The following SLC25A21 variants were observed in gnomAD, a reference collection of about 807,000 sequenced individuals.
SLC25A21 encodes the protein mitochondrial 2-oxodicarboxylate carrier.
In SLC25A21, 47 loss-of-function variants were observed where a neutral mutation model predicts 43.8. That is an observed-to-expected ratio of 1.07 (90% CI 0.85 to 1.37). SLC25A21 has a LOEUF of 1.37. Among genes scored for constraint, SLC25A21 ranks in the 40% most tolerant of loss-of-function variants. SLC25A21 has a pLI of 0.00. For missense variants in SLC25A21, 352 were observed against 350.2 expected (o/e 1.00, Z -0.04); for synonymous variants, 131 against 121.3 (o/e 1.08, Z -0.52).
chr14:36,986,829 G>A (rs2138707198), intron 1 of SLC25A21, among the ~76,000 whole-genome samples: 1 of 152,218 alleles, frequency 6.6e-6, no homozygotes, highest in African/African-American at 2.4e-5. Context: ...GGAATCCCAA[G>A]AAGGCTTTGA....
intron 2 of SLC25A21, among the ~76,000 whole-genome samples, chr14:36,823,924 GGTTTCTA>G (rs370095458): frequency 1.3e-5 from 2 of 152,168 alleles, no homozygotes; most frequent in East Asian, 3.9e-4. Flanking sequence ...TGAAGTTCTT[GGTTTCTA>G]GCTTCCATAA....
At chr14:37,042,050 T>C (rs974898295) in intron 1 of SLC25A21, among the ~76,000 whole-genome samples, 1 of 152,210 alleles carries the variant, frequency 6.6e-6, no homozygotes, top group Non-Finnish European at 1.5e-5. Flanking sequence ...GCTTCCCGTG[T>C]AAGTTTTTTC....
chr14:36,679,219 T>C lies in SLC25A21; in HGVS notation c.*1439A>G. The C allele has an allele frequency of 1.0e-6, 1 of 984,600 alleles. No individual in the cohort carries two copies. Among genetic ancestry groups the C allele is most frequent in the Non-Finnish European group, 1.2e-6 (1 of 829,188 alleles). 61.0% of individuals were successfully genotyped at this position (984,600 alleles called of 1,614,324 possible). A position where few individuals can be genotyped will look rare whatever the true frequency, so the allele number is the denominator to read the frequency against. On this transcript the variant is annotated 3_prime_UTR_variant, in exon 10 of 10. Coordinates refer to ENST00000331299, the MANE Select transcript of SLC25A21 (RefSeq NM_030631.4). ...TTTGTTTTGTTTTTAATGACCCTTT[T>C]ATTGAATATTGGACTGAAATATAAA...
chr14:36,979,004 C>G (rs1959947928), intron 1 of SLC25A21, among the ~76,000 whole-genome samples: 1 of 152,200 alleles, frequency 6.6e-6, no homozygotes, highest in South Asian at 2.1e-4. Context: ...GGGAGGATCA[C>G]CTGGGCCCAG....
intron 7 of SLC25A21, among the ~76,000 whole-genome samples, chr14:36,694,182 G>A (rs184284993): frequency 3.9e-5 from 6 of 152,096 alleles, no homozygotes; most frequent in Middle Eastern, 3.4e-3. Context: ...CTGTCCTTGT[G>A]ATAGTTTGGT....
intron 2 of SLC25A21, among the ~76,000 whole-genome samples, chr14:36,814,212 AG>A (rs1360872623): frequency 2.0e-5 from 3 of 152,220 alleles, no homozygotes; most frequent in African/African-American, 7.2e-5. Context: ...TGAAATCTAT[AG>A]AAAAAAAATG....
intron 3 of SLC25A21, among the ~76,000 whole-genome samples, chr14:36,803,528 A>T (rs1049785229): frequency 5.9e-5 from 9 of 152,178 alleles, no homozygotes; most frequent in Non-Finnish European, 8.8e-5. Flanking sequence ...AAAAAAATTT[A>T]AAAAACTAAT....
intron 3 of SLC25A21, among the ~76,000 whole-genome samples, chr14:36,741,092 G>C (rs1214438804): frequency 6.6e-6 from 1 of 152,132 alleles, no homozygotes; most frequent in Non-Finnish European, 1.5e-5. Context: ...CACATGTCCT[G>C]TCTGCCCCTC....
At chr14:37,126,413 T>C (rs1205752679) in intron 1 of SLC25A21, among the ~76,000 whole-genome samples, 1 of 151,944 alleles carries the variant, frequency 6.6e-6, no homozygotes, top group Non-Finnish European at 1.5e-5. Flanking sequence ...CCAATATACC[T>C]AAATTAAGGG....
At chr14:37,134,659 AAAAAG>A (rs1278277957) in intron 1 of SLC25A21, among the ~76,000 whole-genome samples, 3 of 151,760 alleles carry the variant, frequency 2.0e-5, no homozygotes, top group Admixed American at 6.6e-5. Flanking sequence ...AAAAAAAAAA[AAAAAG>A]AAAGAAAGAA....
At chr14:37,050,223 A>C (rs1961675131) in intron 1 of SLC25A21, among the ~76,000 whole-genome samples, 1 of 152,238 alleles carries the variant, frequency 6.6e-6, no homozygotes, top group African/African-American at 2.4e-5. Flanking sequence ...TTTCAAAATT[A>C]ATATCCATAA....
At chr14:36,851,392 C>T (rs1889730737) in intron 2 of SLC25A21, among the ~76,000 whole-genome samples, 1 of 152,164 alleles carries the variant, frequency 6.6e-6, no homozygotes, top group South Asian at 2.1e-4. Context: ...CAAGTTGATA[C>T]ACATGAGTTT....
At chr14:36,927,490 A>G (rs977606009) in intron 1 of SLC25A21, among the ~76,000 whole-genome samples, 2 of 152,086 alleles carry the variant, frequency 1.3e-5, no homozygotes, top group African/African-American at 4.8e-5. Context: ...TTTCTCTCTT[A>G]TTTTGTTTTC....
chr14:36,917,842 A>G (rs1891872723), intron 1 of SLC25A21, among the ~76,000 whole-genome samples: 1 of 152,208 alleles, frequency 6.6e-6, no homozygotes, highest in South Asian at 2.1e-4. Flanking sequence ...ACTTACAGAG[A>G]AAGCTGAAGA....
chr14:36,734,776 A>G (rs1249428500), intron 3 of SLC25A21, among the ~76,000 whole-genome samples: 1 of 152,190 alleles, frequency 6.6e-6, no homozygotes, highest in African/African-American at 2.4e-5. Context: ...TGATACTGAG[A>G]CAGGAATCCC....
chr14:36,804,663 G>A (rs758440871), intron 3 of SLC25A21, among the ~76,000 whole-genome samples: 11 of 152,150 alleles, frequency 7.2e-5, no homozygotes, highest in Admixed American at 1.3e-4. Context: ...GAAGACCAGC[G>A]GGAAAGGCAA....
chr14:36,857,301 C>G (rs1006201637), intron 2 of SLC25A21, among the ~76,000 whole-genome samples: 22 of 152,158 alleles, frequency 1.4e-4, no homozygotes, highest in Non-Finnish European at 2.4e-4. Flanking sequence ...GGCGAGCAAC[C>G]CTCCGATGCA....
At chr14:36,831,462 A>C (rs1889035954) in intron 2 of SLC25A21, among the ~76,000 whole-genome samples, 1 of 152,208 alleles carries the variant, frequency 6.6e-6, no homozygotes, top group African/African-American at 2.4e-5. Flanking sequence ...AAAGCTCTTT[A>C]AGGCTAAAAT....
chr14:36,787,628 ATG>A (rs775911368), intron 3 of SLC25A21, among the ~76,000 whole-genome samples: 10 of 152,220 alleles, frequency 6.6e-5, no homozygotes, highest in Non-Finnish European at 2.9e-5. Flanking sequence ...AACTGTATAA[ATG>A]TTAATAAAAT....
Sources: gnomAD v4.1 joint callset for allele counts (sites outside exome capture counted in the v4.1 genomes callset) on GRCh38, gnomAD v4.1.1 for gene constraint, MANE v1.5 for transcripts, NCBI Gene and HGNC (gene_info 2026-07-23, HGNC 2026-07-21) for gene names.